Variants in ERC1 observed in about 807,000 individuals in gnomAD.
ERC1 encodes ELKS/RAB6-interacting/CAST family member 1.
A neutral mutation model predicts 132.0 loss-of-function variants in ERC1; 56 were observed. The observed-to-expected ratio is 0.42, with a 90% CI of 0.34 to 0.53. ERC1 has a LOEUF of 0.53. Among genes scored for constraint, ERC1 ranks in the 20% least tolerant of loss-of-function variants. The probability of loss-of-function intolerance (pLI) is 0.03; values close to 1 mark genes in which losing one functional copy is unlikely to be tolerated. For missense variants in ERC1, 1,202 were observed against 1,349.9 expected (o/e 0.89, Z 1.72); for synonymous variants, 478 against 476.1 (o/e 1.00, Z -0.05).
chr12:1,063,652 C>T (rs901194572), intron 2 of ERC1, among the ~76,000 whole-genome samples: 16 of 152,118 alleles, frequency 1.1e-4, no homozygotes, highest in African/African-American at 3.9e-4. Context: ...AAAAAATCCA[C>T]TCATTCAGCC....
chr12:1,414,326 C>T (rs942254752), intron 17 of ERC1, among the ~76,000 whole-genome samples: 1 of 152,210 alleles, frequency 6.6e-6, no homozygotes, highest in African/African-American at 2.4e-5. Context: ...AGATGGCTGG[C>T]TTCTCACTGT....
chr12:1,357,849 T>TC (rs1305617352), intron 15 of ERC1, among the ~76,000 whole-genome samples: 2 of 152,200 alleles, frequency 1.3e-5, no homozygotes, highest in Admixed American at 1.3e-4. Context: ...CTTCCCCTCC[T>TC]CCAACTTCAT....
intron 7 of ERC1, among the ~76,000 whole-genome samples, chr12:1,138,658 G>A (rs1017583384): frequency 1.3e-5 from 2 of 151,974 alleles, no homozygotes; most frequent in African/African-American, 2.4e-5. Context: ...AGGACAAAAT[G>A]TGAACAATGA....
intron 2 of ERC1, 137 bp downstream of exon 2, chr12:1,028,709 TC>T: frequency 1.3e-6 from 1 of 772,990 alleles, no homozygotes; most frequent in Non-Finnish European, 2.0e-6. Flanking sequence ...CTGTTTTGTG[TC>T]CTCCATTTCT....
intron 18 of ERC1, among the ~76,000 whole-genome samples, chr12:1,477,701 A>T (rs1200837066): frequency 6.6e-6 from 1 of 152,206 alleles, no homozygotes; most frequent in East Asian, 1.9e-4. Flanking sequence ...ACACTCATAT[A>T]GCAAATTCTT....
In ERC1 at chr12:1,028,569, C is replaced by A; in HGVS notation, c.666C>A (p.Asn222Lys). ...AGTACAGAGTTGTACAGGAGGAAAACCAGGTAAGTTCTACGTGTGTTTACC... is the reference window on the plus strand; with the variant it reads ...AGTACAGAGTTGTACAGGAGGAAAAACAGGTAAGTTCTACGTGTGTTTACC... ...KEQYRVVQEE[N>K]QHMQMTIQAL... The change falls in exon 2 of 19, where the codon AAC becomes AAA. Residue 222 changes from asparagine (N) to lysine (K), a missense_variant. By Grantham distance (94) the Asn-to-Lys change is moderately conservative. Coordinates refer to ENST00000360905, the MANE Select transcript of ERC1 (RefSeq NM_178040.4). The A allele has an allele frequency of 6.2e-7, 1 of 1,605,290 alleles. No individual in the cohort carries two copies. The highest frequency in any genetic ancestry group is 8.5e-7 in the Non-Finnish European group (1 of 1,175,700).
At chr12:1,314,715 G>A (rs1184601220) in intron 15 of ERC1, among the ~76,000 whole-genome samples, 2 of 152,074 alleles carry the variant, frequency 1.3e-5, no homozygotes, top group Admixed American at 6.5e-5. Flanking sequence ...TTTTCTTTTA[G>A]AAAATCTAAG....
At chr12:1,401,148 A>C (rs2091030111) in intron 16 of ERC1, among the ~76,000 whole-genome samples, 1 of 151,616 alleles carries the variant, frequency 6.6e-6, no homozygotes, top group South Asian at 2.1e-4. Context: ...GTTAGCCAGG[A>C]TGGTCTCCAT....
At chr12:1,418,641 T>TCTC (rs2092274038) in intron 17 of ERC1, among the ~76,000 whole-genome samples, 1 of 78,834 alleles carries the variant, frequency 1.3e-5, no homozygotes, top group African/African-American at 4.8e-5. Context: ...CTTTCTTTCT[T>TCTC]TCTCTCTCTC....
chr12:1,144,155 C>T (rs1324542257), intron 8 of ERC1, among the ~76,000 whole-genome samples: 1 of 152,198 alleles, frequency 6.6e-6, no homozygotes, highest in East Asian at 1.9e-4. Flanking sequence ...TTTTAGCTCT[C>T]TCCCACTAAA....
rs545666113 is a variant in ERC1 at position 1,334,861 on chromosome 12, G to T, written c.2781-36972G>T. 1.8e-3 allele frequency among the ~76,000 whole-genome samples: 276 copies of T among 152,270 alleles called. 1 individual carries two copies. The highest frequency in any genetic ancestry group is 4.6e-3 in the Admixed American group (71 of 15,300). On this transcript the variant is annotated intron_variant, in intron 15 of 18. Coordinates refer to ENST00000360905, the MANE Select transcript of ERC1 (RefSeq NM_178040.4). The stretch of plus-strand genomic sequence containing the variant: ...CGATATTGATTCTTCCTATCCATGA[G>T]CATGGAATGTTTTTCCATTTGTTTG...
At chr12:1,259,888 T>C (rs2077042943) in intron 13 of ERC1, among the ~76,000 whole-genome samples, 1 of 152,226 alleles carries the variant, frequency 6.6e-6, no homozygotes, top group Non-Finnish European at 1.5e-5. Context: ...TCATTGCTAC[T>C]ATAAAAACAC....
chr12:1,269,535 A>G (rs867738694), intron 14 of ERC1, among the ~76,000 whole-genome samples: 1 of 152,202 alleles, frequency 6.6e-6, no homozygotes, highest in Admixed American at 6.5e-5. Context: ...GCCATTAAAG[A>G]GTTTTAAAGA....
intron 2 of ERC1, among the ~76,000 whole-genome samples, chr12:1,056,488 A>G (rs888322728): frequency 6.6e-6 from 1 of 152,188 alleles, no homozygotes; most frequent in African/African-American, 2.4e-5. Context: ...GGGGTTTTAT[A>G]GATAAGCTTG....
chr12:1,025,005 A>G (rs1380308586), intron 1 of ERC1, among the ~76,000 whole-genome samples: 3 of 152,152 alleles, frequency 2.0e-5, no homozygotes, highest in East Asian at 1.9e-4. Context: ...GAGGATATCC[A>G]TAGGTTTTAT....
intron 1 of ERC1, among the ~76,000 whole-genome samples, chr12:1,002,507 A>G (rs542050667): frequency 6.6e-6 from 1 of 152,158 alleles, no homozygotes; most frequent in South Asian, 2.1e-4. Flanking sequence ...CTTTTAGTGC[A>G]TATGTGTATG....
Position 1,110,285 on chromosome 12 carries a change from A to G in ERC1, c.1255A>G (p.Arg419Gly). Residue 419 changes from arginine (R) to glycine (G), a missense_variant, in exon 5 of 19, where the codon AGG becomes GGG. Physicochemically the swap from Arg to Gly is moderately radical, Grantham distance 125. Coordinates refer to ENST00000360905, the MANE Select transcript of ERC1 (RefSeq NM_178040.4). Reference protein sequence around the residue: ...KSNGALSTEEREEEMKQMEVY... With the variant: ...KSNGALSTEEGEEEMKQMEVY... ...GAATGGTGCTTTGAGTACTGAGGAA[A>G]GGGAAGAAGAAATGAAGCAAATGGA... The G allele has an allele frequency of 6.2e-7, 1 of 1,613,676 alleles. No homozygotes were observed. Among genetic ancestry groups the G allele is most frequent in the Non-Finnish European group, 8.5e-7 (1 of 1,179,730 alleles).
At chr12:1,373,272 A>G (rs951009764) in intron 16 of ERC1, among the ~76,000 whole-genome samples, 1 of 152,244 alleles carries the variant, frequency 6.6e-6, no homozygotes, top group Non-Finnish European at 1.5e-5. Context: ...TATTGGAGAA[A>G]GGAGTTCACT....
chr12:1,402,614 A>AACACCACACACACAC (rs762354470), intron 16 of ERC1, among the ~76,000 whole-genome samples: 1,830 of 144,976 alleles, frequency 0.013, 50 homozygotes, highest in African/African-American at 0.045. Flanking sequence ...TGTAACCCCC[A>AACACCACACACACAC]ACACACACAC....
Sources: allele counts gnomAD v4.1 joint callset (sites outside exome capture counted in the v4.1 genomes callset), GRCh38; gene constraint gnomAD v4.1.1; transcripts MANE v1.5; gene names NCBI Gene and HGNC (gene_info 2026-07-23, HGNC 2026-07-21).